The following LHPP variants were observed in gnomAD, a reference collection of about 807,000 sequenced individuals.
LHPP encodes the protein hLHPP.
In LHPP, 24 loss-of-function variants were observed where a neutral mutation model predicts 30.3. The observed-to-expected ratio is 0.79, with a 90% CI of 0.57 to 1.11. The LOEUF (loss-of-function observed/expected upper bound fraction) is 1.11. LHPP is among the 50% of genes most tolerant of loss of function. The pLI, the probability that LHPP is intolerant of heterozygous loss-of-function variation, is 0.00. For missense variants in LHPP, 356 were observed against 367.2 expected (o/e 0.97, Z 0.25); for synonymous variants, 150 against 157.1 (o/e 0.95, Z 0.34).
At chr10:124,507,962 A>G (rs1202079305) in intron 5 of LHPP, among the ~76,000 whole-genome samples, 1 of 147,810 alleles carries the variant, frequency 6.8e-6, no homozygotes, top group South Asian at 2.1e-4. Context: ...CATGGCTCGC[A>G]CCCTCAGAAC....
intron 6 of LHPP, among the ~76,000 whole-genome samples, chr10:124,528,152 C>G (rs1442237287): frequency 1.3e-5 from 2 of 152,146 alleles, no homozygotes; most frequent in Admixed American, 1.3e-4. Flanking sequence ...TTAAGCTCGG[C>G]CCCTAGAGTG....
At chr10:124,514,567 G>A (rs1341970721) in intron 5 of LHPP, among the ~76,000 whole-genome samples, 1 of 151,978 alleles carries the variant, frequency 6.6e-6, no homozygotes, top group African/African-American at 2.4e-5. Flanking sequence ...CTTAATCTTC[G>A]TTTCTCTGTA....
At chr10:124,520,409 C>T (rs1230423321) in intron 6 of LHPP, among the ~76,000 whole-genome samples, 1 of 151,846 alleles carries the variant, frequency 6.6e-6, no homozygotes, top group Non-Finnish European at 1.5e-5. Flanking sequence ...AGCAAATGGC[C>T]AGGGTGGGGA....
chr10:124,520,796 G>A (rs1455816504), intron 6 of LHPP, among the ~76,000 whole-genome samples: 1 of 152,208 alleles, frequency 6.6e-6, no homozygotes, highest in African/African-American at 2.4e-5. Context: ...GCGGCGAGCC[G>A]CAGGGGGTGA....
At chr10:124,535,695 C>T (rs1955005594) in intron 6 of LHPP, among the ~76,000 whole-genome samples, 1 of 152,196 alleles carries the variant, frequency 6.6e-6, no homozygotes, top group South Asian at 2.1e-4. Context: ...TTGGCGTGAG[C>T]CGCCATGCCT....
At chr10:124,479,068 CAAAA>C (rs55880798) in intron 1 of LHPP, among the ~76,000 whole-genome samples, 9 of 135,216 alleles carry the variant, frequency 6.7e-5, no homozygotes, top group African/African-American at 5.7e-5. Flanking sequence ...GACTCTGTCT[CAAAA>C]AAAAAAAAAA....
At chr10:124,498,660 C>CTTTTTTTTTTTTTTT (rs552228070) in intron 5 of LHPP, 3 of 354,452 alleles carry the variant, frequency 8.5e-6, no homozygotes, top group South Asian at 2.1e-5. Context: ...TTTTCTTTTT[C>CTTTTTTTTTTTTTTT]TTTTTTTTTT....
chr10:124,578,251 C>G (rs1335782939), intron 6 of LHPP, among the ~76,000 whole-genome samples: 1 of 152,240 alleles, frequency 6.6e-6, no homozygotes, highest in East Asian at 1.9e-4. Flanking sequence ...GAACGAAGAC[C>G]AAGTCCGTGC....
chr10:124,587,414 T>C (rs1948818997), intron 6 of LHPP, among the ~76,000 whole-genome samples: 1 of 151,894 alleles, frequency 6.6e-6, no homozygotes, highest in South Asian at 2.1e-4. Flanking sequence ...TCTACCTTCA[T>C]GGTCTTTGCT....
chr10:124,577,033 T>C (rs990812015), intron 6 of LHPP, among the ~76,000 whole-genome samples: 8 of 152,094 alleles, frequency 5.3e-5, no homozygotes, highest in African/African-American at 1.9e-4. Context: ...AATAATAGAG[T>C]CTACTGAGCG....
At chr10:124,477,473 G>A (rs1367532719) in intron 1 of LHPP, among the ~76,000 whole-genome samples, 4 of 152,158 alleles carry the variant, frequency 2.6e-5, no homozygotes. Context: ...ATGTGGGGGA[G>A]CGCTGCCCCC....
At chr10:124,526,514 T>A (rs1405022405) in intron 6 of LHPP, among the ~76,000 whole-genome samples, 1 of 152,168 alleles carries the variant, frequency 6.6e-6, no homozygotes, top group African/African-American at 2.4e-5. Flanking sequence ...CACCCCCCAA[T>A]TAGCCAAGTG....
chr10:124,473,280 G>T (rs1040721499), intron 1 of LHPP, among the ~76,000 whole-genome samples: 1 of 152,332 alleles, frequency 6.6e-6, no homozygotes, highest in South Asian at 2.1e-4. Flanking sequence ...GCCCACTGTG[G>T]TGTGCAGGGT....
rs943433370 is a variant in LHPP at position 124,488,332 on chromosome 10, A to T, written c.314-90A>T. The T allele has an allele frequency of 9.0e-6, 10 of 1,115,048 alleles. No homozygotes were observed. In the African/African-American group the frequency reaches 1.6e-4, roughly 18 times the overall value. The allele number at this position is 1,115,048 out of a possible 1,614,324, so 69.1% of individuals were successfully genotyped here. A position where few individuals can be genotyped will look rare whatever the true frequency, so the allele number is the denominator to read the frequency against. ...GAAATGCATCTGAGAAAGGGGGAGGACATGTGAAAGGTGTCCCTGGTAGGA... is the reference window on the plus strand; with the variant it reads ...GAAATGCATCTGAGAAAGGGGGAGGTCATGTGAAAGGTGTCCCTGGTAGGA... On this transcript the variant is annotated intron_variant, in intron 2 of 6. Coordinates refer to ENST00000368842, the MANE Select transcript of LHPP (RefSeq NM_022126.4).
At chr10:124,560,524 G>C (rs1948379027) in intron 6 of LHPP, among the ~76,000 whole-genome samples, 1 of 152,188 alleles carries the variant, frequency 6.6e-6, no homozygotes, top group South Asian at 2.1e-4. Flanking sequence ...CTCCTCGTTG[G>C]CCTGCTCAGG....
chr10:124,467,710 T>TTTGTTGTTGTTG (rs10691946), intron 1 of LHPP, among the ~76,000 whole-genome samples: 262 of 149,038 alleles, frequency 1.8e-3, no homozygotes, highest in Middle Eastern at 0.01. Flanking sequence ...GTGTGTGTTT[T>TTTGTTGTTGTTG]TTGTTGTTGT....
At chr10:124,527,910 A>G (rs1234444467) in intron 6 of LHPP, among the ~76,000 whole-genome samples, 1 of 152,002 alleles carries the variant, frequency 6.6e-6, no homozygotes, top group African/African-American at 2.4e-5. Context: ...CCTCCCAAAT[A>G]GCTGGGAAAC....
intron 6 of LHPP, among the ~76,000 whole-genome samples, chr10:124,527,035 C>A (rs1374830754): frequency 1.3e-5 from 2 of 152,246 alleles, no homozygotes; most frequent in Non-Finnish European, 2.9e-5. Flanking sequence ...CTGCTGGATG[C>A]CCCCAGGGCT....
In LHPP at chr10:124,607,700, C is replaced by T. The variant is rs146021471; in HGVS notation, c.717-5564C>T. Among the ~76,000 whole-genome samples the T allele has an allele frequency of 5.3e-5, 8 of 152,180 alleles. No individual in the cohort carries two copies. The East Asian group carries it at 1.5e-3, about 29-fold the overall frequency. On this transcript the variant is annotated intron_variant, in intron 6 of 6. Coordinates refer to ENST00000368842, the MANE Select transcript of LHPP (RefSeq NM_022126.4). Reference sequence around the variant, plus strand: ...CCTGGGGGCCAGTCCCCCGGGGGCTCGGATGATGAATCATGGGCGGTGTTT... The same window carrying T: ...CCTGGGGGCCAGTCCCCCGGGGGCTTGGATGATGAATCATGGGCGGTGTTT...
Sources: gnomAD v4.1 joint callset for allele counts (sites outside exome capture counted in the v4.1 genomes callset) on GRCh38, gnomAD v4.1.1 for gene constraint, MANE v1.5 for transcripts, NCBI Gene and HGNC (gene_info 2026-07-23, HGNC 2026-07-21) for gene names.